Variants in SCARA5 observed in about 807,000 individuals in gnomAD.
The protein encoded by SCARA5 is scavenger receptor class A member 5.
SCARA5 carries 45 observed loss-of-function variants against 46.3 expected under a neutral mutation model. That is an observed-to-expected ratio of 0.97 (90% confidence interval 0.76 to 1.24). The LOEUF (loss-of-function observed/expected upper bound fraction) is 1.24, where lower values mean the gene tolerates loss of function less well. Ranked by LOEUF, SCARA5 falls within the 50% of genes most tolerant of loss-of-function variation. The probability of loss-of-function intolerance (pLI) is 0.00; values close to 1 mark genes in which losing one functional copy is unlikely to be tolerated. For synonymous variants in SCARA5, 333 were observed against 306.5 expected, an observed-to-expected ratio of 1.09 and a Z score of -0.90; for missense variants, 680 against 689.0, an observed-to-expected ratio of 0.99 and a Z score of 0.15.
chr8:27,926,447 G>C (rs951592527), intron 3 of SCARA5, among the ~76,000 whole-genome samples: 1 of 146,066 alleles, frequency 6.8e-6, no homozygotes, highest in Non-Finnish European at 1.5e-5. Flanking sequence ...GGGCCTGTCA[G>C]GGGGTGGGGG....
intron 7 of SCARA5, among the ~76,000 whole-genome samples, chr8:27,889,052 G>T (rs1390431654): frequency 6.6e-6 from 1 of 151,584 alleles, no homozygotes; most frequent in Non-Finnish European, 1.5e-5. Flanking sequence ...TACTGAGCCT[G>T]CCCTTCACCC....
intron 3 of SCARA5, among the ~76,000 whole-genome samples, chr8:27,935,288 C>T (rs1458238978): frequency 6.6e-6 from 1 of 152,148 alleles, no homozygotes; most frequent in Non-Finnish European, 1.5e-5. Context: ...AGGAACAGGC[C>T]TGGGCAGGAG....
At chr8:27,936,719 G>A (rs547320332) in intron 3 of SCARA5, among the ~76,000 whole-genome samples, 6 of 151,094 alleles carry the variant, frequency 4.0e-5, no homozygotes, top group East Asian at 2.0e-4. Flanking sequence ...AACTGAATCC[G>A]CGGAAGCATG....
In SCARA5 at chr8:27,879,675, G is replaced by A; in HGVS notation, c.1245C>T (p.Gly415=). ...RVEVYHDRRW[G]TVCDDGWDKK... Reference sequence around the variant, plus strand: ...TGTCCCAGCCGTCGTCACACACGGTGCCCCAACGCCGGTCGTGGTACACTT... The same window carrying A: ...TGTCCCAGCCGTCGTCACACACGGTACCCCAACGCCGGTCGTGGTACACTT... The change falls in exon 8 of 9, where the codon GGC becomes GGT. Residue 415 remains glycine (G), a synonymous_variant. Coordinates refer to ENST00000354914, the MANE Select transcript of SCARA5 (RefSeq NM_173833.6). The A allele has an allele frequency of 6.2e-7, 1 of 1,613,026 alleles. No homozygotes were observed. The highest frequency in any genetic ancestry group is 2.2e-5 in the East Asian group (1 of 44,882).
chr8:27,917,922 G>A (rs1807488534), intron 4 of SCARA5, among the ~76,000 whole-genome samples: 1 of 152,192 alleles, frequency 6.6e-6, no homozygotes, highest in South Asian at 2.1e-4. Flanking sequence ...TCTGGGATGT[G>A]AAGGCCCAAA....
intron 4 of SCARA5, among the ~76,000 whole-genome samples, chr8:27,916,393 A>G (rs2685328): frequency 0.75 from 113,821 of 152,040 alleles, 42,821 homozygotes; most frequent in East Asian, 0.95. Context: ...TTGTATGTGC[A>G]TATGTATACG....
At chr8:27,893,212 T>C (rs1455082623) in intron 7 of SCARA5, among the ~76,000 whole-genome samples, 1 of 152,192 alleles carries the variant, frequency 6.6e-6, no homozygotes, top group Non-Finnish European at 1.5e-5. Context: ...GCTTGGTTCC[T>C]GGCTCCTTAG....
chr8:27,917,558 T>A (rs1281558436), intron 4 of SCARA5, among the ~76,000 whole-genome samples: 28 of 151,596 alleles, frequency 1.8e-4, no homozygotes. Flanking sequence ...ACAACCAGGG[T>A]TTCTGGACCA....
intron 2 of SCARA5, among the ~76,000 whole-genome samples, chr8:27,979,192 A>G (rs1808573967): frequency 6.6e-6 from 1 of 152,122 alleles, no homozygotes. Context: ...TGCCTCTCCC[A>G]GATGTGACTT....
intron 2 of SCARA5, among the ~76,000 whole-genome samples, chr8:27,974,664 C>T (rs1808496628): frequency 6.6e-6 from 1 of 150,940 alleles, no homozygotes; most frequent in Non-Finnish European, 1.5e-5. Flanking sequence ...TTACTCATCA[C>T]TCACATTGTT....
At chr8:27,876,766 G>A (rs1170092515) in intron 8 of SCARA5, among the ~76,000 whole-genome samples, 1 of 152,116 alleles carries the variant, frequency 6.6e-6, no homozygotes, top group Non-Finnish European at 1.5e-5. Context: ...CACAAGGACA[G>A]CAGAGGCGGG....
At chr8:27,920,654 C>T (rs529096309) in intron 4 of SCARA5, among the ~76,000 whole-genome samples, 2 of 142,230 alleles carry the variant, frequency 1.4e-5, no homozygotes, top group Admixed American at 1.4e-4. Flanking sequence ...AAAAAACAAA[C>T]AAAAAAATGT....
rs1807585039 is a variant in SCARA5 at position 27,921,596 on chromosome 8, T to C, written c.891A>G (p.Ala297=). ...LRLKDWEHSI[A]LRNISLAKGP... ...CTTTCGCGAGGGAGATGTTCCGCAGTGCGATGGAGTGCTCCCAGTCCTTGA... is the reference window on the plus strand; with the variant it reads ...CTTTCGCGAGGGAGATGTTCCGCAGCGCGATGGAGTGCTCCCAGTCCTTGA... The change falls in exon 4 of 9, where the codon GCA becomes GCG. Residue 297 remains alanine, a synonymous_variant. Transcript: ENST00000354914. 12 of 1,574,008 alleles carry C rather than the reference T, an allele frequency of 7.6e-6. No homozygotes were observed. Among genetic ancestry groups the C allele is most frequent in the South Asian group, 1.2e-5 (1 of 85,500 alleles).
intron 3 of SCARA5, among the ~76,000 whole-genome samples, chr8:27,927,671 G>T (rs893353048): frequency 5.3e-5 from 8 of 151,926 alleles, no homozygotes; most frequent in African/African-American, 1.9e-4. Context: ...AACGCAGAAA[G>T]GTTCCTCCCC....
chr8:27,982,980 G>A (rs1038592176), intron 2 of SCARA5, among the ~76,000 whole-genome samples: 1 of 152,154 alleles, frequency 6.6e-6, no homozygotes, highest in African/African-American at 2.4e-5. Context: ...GCTAGAGGAG[G>A]GTCCCTTCCT....
chr8:27,884,404 C>T (rs927676192), intron 7 of SCARA5, among the ~76,000 whole-genome samples: 4 of 152,238 alleles, frequency 2.6e-5, no homozygotes, highest in Non-Finnish European at 5.9e-5. Context: ...AAGAGGGACC[C>T]GGCCGCTGCG....
intron 4 of SCARA5, among the ~76,000 whole-genome samples, chr8:27,913,820 C>T (rs569844568): frequency 2.6e-5 from 4 of 152,328 alleles, no homozygotes; most frequent in Non-Finnish European, 5.9e-5. Flanking sequence ...GATCTGACCC[C>T]TTCTGCTGCA....
At chr8:27,888,078 A>C (rs973013898) in intron 7 of SCARA5, among the ~76,000 whole-genome samples, 2 of 151,888 alleles carry the variant, frequency 1.3e-5, no homozygotes, top group Non-Finnish European at 2.9e-5. Context: ...TTTTTTTGAG[A>C]CAAGGTCTGG....
chr8:27,873,256 C>G (rs1044351828), intron 8 of SCARA5, among the ~76,000 whole-genome samples: 2 of 152,144 alleles, frequency 1.3e-5, no homozygotes, highest in African/African-American at 4.8e-5. Flanking sequence ...AGAAACATCA[C>G]CCATTATCTC....
Sources: allele counts gnomAD v4.1 joint callset (sites outside exome capture counted in the v4.1 genomes callset), GRCh38; gene constraint gnomAD v4.1.1; transcripts MANE v1.5; gene names NCBI Gene and HGNC (gene_info 2026-07-23, HGNC 2026-07-21).